The following DNAJB14 variants were observed in gnomAD, a reference collection of about 807,000 sequenced individuals.
DNAJB14 encodes the protein DnaJ heat shock protein family (Hsp40) member B14.
Under a neutral mutation model 48.4 loss-of-function variants are expected in DNAJB14, and 22 were observed. The observed-to-expected ratio is 0.45, with a 90% CI of 0.32 to 0.65. DNAJB14 has a LOEUF of 0.65. Among genes scored for constraint, DNAJB14 ranks in the 30% least tolerant of loss-of-function variants. DNAJB14 has a pLI of 0.03. For synonymous variants in DNAJB14, 142 were observed against 158.7 expected (o/e 0.89, Z 0.79); for missense variants, 319 against 458.8 (o/e 0.70, Z 2.78).
At chr4:99,911,360 G>A (rs1456523633) in intron 3 of DNAJB14, among the ~76,000 whole-genome samples, 2 of 152,100 alleles carry the variant, frequency 1.3e-5, no homozygotes, top group Non-Finnish European at 2.9e-5. Context: ...ATATATTCAT[G>A]TACAGGATTA....
At chr4:99,938,216 G>C (rs1726757735) in intron 1 of DNAJB14, among the ~76,000 whole-genome samples, 1 of 139,228 alleles carries the variant, frequency 7.2e-6, no homozygotes, top group Non-Finnish European at 1.5e-5. Flanking sequence ...GTTGCGGTGA[G>C]CAGAAATTAA....
At chr4:99,916,923 G>C (rs929706483) in intron 3 of DNAJB14, among the ~76,000 whole-genome samples, 6 of 151,752 alleles carry the variant, frequency 4.0e-5, no homozygotes, top group Non-Finnish European at 8.8e-5. Context: ...TCATGCAATC[G>C]AGAGATAGAG....
intron 3 of DNAJB14, 56 bp downstream of exon 3, chr4:99,922,984 C>G (rs900733913): frequency 1.3e-6 from 2 of 1,512,350 alleles, no homozygotes. Context: ...TCTGAAACGC[C>G]GTAAAGTGAA....
intron 2 of DNAJB14, chr4:99,924,714 A>T: frequency 6.2e-7 from 1 of 1,608,320 alleles, no homozygotes; most frequent in Non-Finnish European, 8.5e-7. Context: ...TTTAGAAGCT[A>T]TGTGATAGAA....
Position 99,898,285 on chromosome 4 carries a change from GTAAATCA to G in DNAJB14, c.*2736_*2742del, listed in dbSNP as rs747086281. 2.0e-4 allele frequency: 31 copies of G among 151,966 alleles called. No individual in the cohort carries two copies. The highest frequency in any genetic ancestry group is 3.8e-4 in the Non-Finnish European group (26 of 67,816). The allele number at this position is 151,966 out of a possible 1,614,324, so 9.4% of individuals were successfully genotyped here. On this transcript the variant is annotated 3_prime_UTR_variant, in exon 8 of 8. Coordinates refer to ENST00000442697, the MANE Select transcript of DNAJB14 (RefSeq NM_001031723.4). ...CTGTACTTTTCTCTACCAAATCTTT[GTAAATCA>G]TAAACAAGCATGTAATGATTATGAA...
intron 4 of DNAJB14, among the ~76,000 whole-genome samples, chr4:99,907,549 A>G (rs1450776449): frequency 1.3e-5 from 2 of 152,090 alleles, no homozygotes; most frequent in African/African-American, 4.8e-5. Flanking sequence ...CATGTGGTAC[A>G]TGTCAGTAGT....
At chr4:99,923,631 C>G (rs1346205966) in intron 2 of DNAJB14, 2 of 984,644 alleles carry the variant, frequency 2.0e-6, no homozygotes, top group East Asian at 2.3e-4. Context: ...TAATGTAGAT[C>G]TAACCAACTA....
chr4:99,917,802 A>C (rs1451423571), intron 3 of DNAJB14, among the ~76,000 whole-genome samples: 1 of 151,504 alleles, frequency 6.6e-6, no homozygotes, highest in Non-Finnish European at 1.5e-5. Flanking sequence ...AAAATGTGCC[A>C]CTTCTTTCTG....
At chr4:99,940,185 C>A (rs1380665795) in intron 1 of DNAJB14, among the ~76,000 whole-genome samples, 2 of 152,214 alleles carry the variant, frequency 1.3e-5, no homozygotes, top group African/African-American at 4.8e-5. Context: ...CCACCATTAG[C>A]TGAATTGAAT....
intron 1 of DNAJB14, among the ~76,000 whole-genome samples, chr4:99,937,357 TTAAC>T (rs2110221882): frequency 6.6e-6 from 1 of 152,134 alleles, no homozygotes; most frequent in South Asian, 2.1e-4. Context: ...AATCACTAAC[TTAAC>T]TAAGTGATCA....
intron 5 of DNAJB14, chr4:99,905,962 TTC>T: frequency 7.6e-7 from 1 of 1,309,436 alleles, no homozygotes; most frequent in Non-Finnish European, 9.8e-7. Flanking sequence ...TTCTTTCTCT[TTC>T]TCTTTCCCGA....
chr4:99,937,821 C>T (rs1286600939), intron 1 of DNAJB14, among the ~76,000 whole-genome samples: 1 of 151,604 alleles, frequency 6.6e-6, no homozygotes, highest in African/African-American at 2.4e-5. Flanking sequence ...TGGCTCATGC[C>T]TGTAATCCCA....
chr4:99,916,688 G>C (rs1048535998), intron 3 of DNAJB14, among the ~76,000 whole-genome samples: 2 of 151,866 alleles, frequency 1.3e-5, no homozygotes, highest in Non-Finnish European at 2.9e-5. Flanking sequence ...CTTTTTAGCG[G>C]TTGCTCTAGG....
intron 2 of DNAJB14, chr4:99,928,545 A>C (rs1453707304): frequency 2.3e-6 from 1 of 441,396 alleles, no homozygotes; most frequent in South Asian, 1.6e-5. Context: ...TCAATACCAG[A>C]ACAAAGAGGC....
intron 5 of DNAJB14, chr4:99,906,157 T>C (rs1311864757): frequency 1.3e-5 from 17 of 1,323,864 alleles, no homozygotes; most frequent in Non-Finnish European, 1.6e-5. Context: ...TAAATTGCTA[T>C]AGGCAATTAG....
At chr4:99,929,307 G>T (rs1377971578) in intron 2 of DNAJB14, 1 of 152,186 alleles carries the variant, frequency 6.6e-6, no homozygotes, top group Non-Finnish European at 1.5e-5. Context: ...TGGCCAGGCT[G>T]GTCTTGAACT....
At chr4:99,922,286 C>T (rs975322416) in intron 3 of DNAJB14, among the ~76,000 whole-genome samples, 1 of 152,146 alleles carries the variant, frequency 6.6e-6, no homozygotes, top group Non-Finnish European at 1.5e-5. Flanking sequence ...TATCTACTTC[C>T]AGTTATTCTA....
rs1725189218 is a variant in DNAJB14 at position 99,898,245 on chromosome 4, T to TA, written c.*2782dup. On this transcript the variant is annotated 3_prime_UTR_variant, in exon 8 of 8. Transcript: ENST00000442697. ...CTGAGTAGTTTAATGCATTGGCATA[T>TA]ATATGCCTTAAGGACTGTACTTTTC... is the stretch of plus-strand genomic sequence containing the variant. 1 of 152,018 alleles carries TA rather than the reference T, an allele frequency of 6.6e-6. No individual in the cohort carries two copies. The allele number at this position is 152,018 out of a possible 1,614,324, so 9.4% of individuals were successfully genotyped here.
intron 1 of DNAJB14, among the ~76,000 whole-genome samples, chr4:99,934,722 G>A (rs1726603461): frequency 6.8e-6 from 1 of 146,072 alleles, no homozygotes; most frequent in African/African-American, 2.5e-5. Flanking sequence ...GAACCTGGAG[G>A]TGGAGGTTGC....
Sources: gnomAD v4.1 joint callset for allele counts (sites outside exome capture counted in the v4.1 genomes callset) on GRCh38, gnomAD v4.1.1 for gene constraint, MANE v1.5 for transcripts, NCBI Gene and HGNC (gene_info 2026-07-23, HGNC 2026-07-21) for gene names.